The following SLC25A28 variants were observed in gnomAD, a reference collection of about 807,000 sequenced individuals.
SLC25A28 encodes the protein mitoferrin-2.
A neutral mutation model predicts 31.9 loss-of-function variants in SLC25A28; 10 were observed. The observed-to-expected ratio is 0.31, with a 90% CI of 0.19 to 0.53. The LOEUF is 0.53. Ranked by LOEUF, SLC25A28 falls within the 20% of genes least tolerant of loss-of-function variation. The pLI is 0.95. For synonymous variants in SLC25A28, 208 were observed against 203.6 expected, an observed-to-expected ratio of 1.02 and a Z score of -0.19; for missense variants, 256 against 490.3, an observed-to-expected ratio of 0.52 and a Z score of 4.51.
At position 99,612,197 on chromosome 10, in the gene SLC25A28, GA is replaced by G. The variant is rs946916276; in HGVS notation, c.577+345del. Reference sequence around the variant, plus strand: ...GTCAATTCCTGCAAATCATAAGGGGGAAAAAAAAAGTCAGAATCCATCTTCA... The same window carrying G: ...GTCAATTCCTGCAAATCATAAGGGGGAAAAAAAAGTCAGAATCCATCTTCA... On this transcript the variant is annotated intron_variant, in intron 3 of 3. Transcript: ENST00000370495. 4.1e-4 allele frequency among the ~76,000 whole-genome samples: 62 copies of G among 151,020 alleles called. 2 individuals are homozygous for G. The South Asian group carries it at 7.1e-3, about 17-fold the overall frequency.
Position 99,620,148 on chromosome 10 carries a change from TAGTCCGGGCCGG to T in SLC25A28, c.176_187del (p.Ser59_Asp62del). 6.3e-7 allele frequency: 1 copy of T among 1,575,190 alleles called. No homozygotes were observed. The highest frequency in any genetic ancestry group is 1.1e-5 in the South Asian group (1 of 89,402). ...AGTGGCTCCAGCCGGCAGCGCCTCG[TAGTCCGGGCCGG>T]AGTCCGGATCTTGTCGTACCGGGGG... On this transcript the variant is annotated inframe_deletion, in exon 1 of 4. Transcript: ENST00000370495.
chr10:99,658,995 G>A, the SLC25A28 span, among the ~76,000 whole-genome samples: 2 of 152,244 alleles, frequency 1.3e-5, no homozygotes, highest in Non-Finnish European at 2.9e-5. Flanking sequence ...GGGCAAGACA[G>A]TGAGGTCGGG....
chr10:99,652,735 C>T, the SLC25A28 span, among the ~76,000 whole-genome samples: 2 of 152,288 alleles, frequency 1.3e-5, no homozygotes, highest in African/African-American at 4.8e-5. Flanking sequence ...TGTACCCCCA[C>T]CCCAGCCTAC....
chr10:99,620,423 C>A lies in SLC25A28; in HGVS notation c.-88G>T, dbSNP rs1259674580. On this transcript the variant is annotated 5_prime_UTR_variant, in exon 1 of 4. Transcript: ENST00000370495. ...CCGGCCCCGTAGTGTCCGCCTCAGG[C>A]GCGGCCCAGAGAGCCCGGGGCCTCC... 4 of 1,047,570 alleles carry A rather than the reference C, an allele frequency of 3.8e-6. No homozygotes were observed. The highest frequency in any genetic ancestry group is 3.4e-6 in the Non-Finnish European group (3 of 871,298). 64.9% of individuals were successfully genotyped at this position (1,047,570 alleles called of 1,614,324 possible). A position where few individuals can be genotyped will look rare whatever the true frequency, so the allele number is the denominator to read the frequency against.
the SLC25A28 span, among the ~76,000 whole-genome samples, chr10:99,629,147 T>G: frequency 6.6e-6 from 1 of 152,190 alleles, no homozygotes; most frequent in Non-Finnish European, 1.5e-5. Flanking sequence ...CCCTCATGAA[T>G]AGATTAATGC....
chr10:99,615,314 C>A (rs1321250864), intron 1 of SLC25A28: 1 of 764,610 alleles, frequency 1.3e-6, no homozygotes, highest in East Asian at 1.3e-4. Flanking sequence ...CTGGTTTGAG[C>A]CACTGCACGG....
At chr10:99,631,762 T>C in the SLC25A28 span, among the ~76,000 whole-genome samples, 2 of 152,090 alleles carry the variant, frequency 1.3e-5, no homozygotes, top group Non-Finnish European at 2.9e-5. Context: ...AATAATACTC[T>C]AATAGGCCGC....
At chr10:99,654,991 A>G in the SLC25A28 span, among the ~76,000 whole-genome samples, 1 of 152,232 alleles carries the variant, frequency 6.6e-6, no homozygotes, top group African/African-American at 2.4e-5. Flanking sequence ...TGGAAACCTT[A>G]GAACTCAGCC....
At chr10:99,655,182 G>A in the SLC25A28 span, among the ~76,000 whole-genome samples, 22 of 152,034 alleles carry the variant, frequency 1.4e-4, no homozygotes, top group Middle Eastern at 3.4e-3. Context: ...GGAGTATGGC[G>A]GTGTGCGCCT....
the SLC25A28 span, among the ~76,000 whole-genome samples, chr10:99,640,427 A>G: frequency 6.6e-6 from 1 of 152,208 alleles, no homozygotes; most frequent in African/African-American, 2.4e-5. Flanking sequence ...AGCACATGGT[A>G]CCACATTCTA....
the SLC25A28 span, among the ~76,000 whole-genome samples, chr10:99,628,561 A>G: frequency 6.6e-6 from 1 of 152,246 alleles, no homozygotes; most frequent in Non-Finnish European, 1.5e-5. Flanking sequence ...GCAGTGGCTC[A>G]CGCCTACAAT....
chr10:99,658,222 C>T, the SLC25A28 span, among the ~76,000 whole-genome samples: 3 of 152,118 alleles, frequency 2.0e-5, no homozygotes, highest in African/African-American at 7.2e-5. Context: ...TCCTAATGTC[C>T]TGACAGGCTT....
the SLC25A28 span, among the ~76,000 whole-genome samples, chr10:99,635,805 C>A: frequency 6.6e-6 from 1 of 152,026 alleles, no homozygotes; most frequent in African/African-American, 2.4e-5. Flanking sequence ...ACACCAAAAA[C>A]AAGTAGGGGC....
chr10:99,616,276 G>T, intron 1 of SLC25A28: 2 of 887,868 alleles, frequency 2.3e-6, no homozygotes, highest in Non-Finnish European at 2.7e-6. Flanking sequence ...TGCTAGTTGT[G>T]TGATCTTGGG....
intron 1 of SLC25A28, chr10:99,616,644 T>C: frequency 1.0e-6 from 1 of 985,434 alleles, no homozygotes; most frequent in Non-Finnish European, 1.2e-6. Flanking sequence ...ACTATTAATC[T>C]GAAGGTCATA....
At chr10:99,639,384 T>C in the SLC25A28 span, among the ~76,000 whole-genome samples, 6 of 151,986 alleles carry the variant, frequency 3.9e-5, no homozygotes, top group African/African-American at 1.5e-4. Flanking sequence ...TAGGGTGCAG[T>C]GTATATTGCA....
At chr10:99,632,117 C>T in the SLC25A28 span, among the ~76,000 whole-genome samples, 2 of 151,144 alleles carry the variant, frequency 1.3e-5, no homozygotes, top group African/African-American at 4.9e-5. Context: ...AGGATGGTCT[C>T]GATCTCCTGA....
At chr10:99,617,321 C>G in intron 1 of SLC25A28, 2 of 985,474 alleles carry the variant, frequency 2.0e-6, no homozygotes, top group Non-Finnish European at 2.4e-6. Flanking sequence ...CAAGGCTACA[C>G]TGACTTCTCA....
At chr10:99,651,102 T>C in the SLC25A28 span, among the ~76,000 whole-genome samples, 1 of 152,176 alleles carries the variant, frequency 6.6e-6, no homozygotes, top group Non-Finnish European at 1.5e-5. Flanking sequence ...CAGGAGCCTC[T>C]TGGGGCTCTC....
Sources: gnomAD v4.1 joint callset for allele counts (sites outside exome capture counted in the v4.1 genomes callset) on GRCh38, gnomAD v4.1.1 for gene constraint, MANE v1.5 for transcripts, NCBI Gene and HGNC (gene_info 2026-07-23, HGNC 2026-07-21) for gene names.